ADAMTS12: variants seen among roughly 807,000 people sequenced by gnomAD.
The protein encoded by ADAMTS12 is A disintegrin and metalloproteinase with thrombospondin motifs 12.
Under a neutral mutation model 167.8 loss-of-function variants are expected in ADAMTS12, and 118 were observed. That is an observed-to-expected ratio of 0.70 (90% CI 0.61 to 0.82). The LOEUF (loss-of-function observed/expected upper bound fraction) is 0.82. Ranked by LOEUF, ADAMTS12 falls within the 40% of genes least tolerant of loss-of-function variation. The pLI is 0.00. For synonymous variants in ADAMTS12, 704 were observed against 716.9 expected, an observed-to-expected ratio of 0.98 and a Z score of 0.29; for missense variants, 1,916 against 1,998.8, an observed-to-expected ratio of 0.96 and a Z score of 0.79.
intron 6 of ADAMTS12, among the ~76,000 whole-genome samples, chr5:33,659,611 A>C (rs1486806138): frequency 6.6e-6 from 1 of 152,154 alleles, no homozygotes; most frequent in Non-Finnish European, 1.5e-5. Context: ...TGGCTAACAA[A>C]AGAATTATAG....
intron 22 of ADAMTS12, among the ~76,000 whole-genome samples, chr5:33,541,585 A>G (rs1247447539): frequency 1.3e-5 from 2 of 152,214 alleles, no homozygotes; most frequent in Non-Finnish European, 2.9e-5. Context: ...AGCCAGAGAG[A>G]AAGGTCGGGT....
intron 16 of ADAMTS12, among the ~76,000 whole-genome samples, chr5:33,601,286 A>G (rs535195263): frequency 2.0e-5 from 3 of 152,232 alleles, no homozygotes; most frequent in East Asian, 1.9e-4. Flanking sequence ...CAGGATGGCA[A>G]AAGATTATAG....
intron 2 of ADAMTS12, among the ~76,000 whole-genome samples, chr5:33,856,610 C>CAA (rs113323469): frequency 1.5e-5 from 2 of 133,522 alleles, no homozygotes; most frequent in African/African-American, 5.4e-5. Context: ...AAGGATTTCT[C>CAA]AAAAAAAAAA....
At chr5:33,844,466 T>C (rs1199992177) in intron 2 of ADAMTS12, among the ~76,000 whole-genome samples, 1 of 152,128 alleles carries the variant, frequency 6.6e-6, no homozygotes, top group East Asian at 1.9e-4. Flanking sequence ...TCTTCTATGG[T>C]GGAAACTGTA....
intron 15 of ADAMTS12, among the ~76,000 whole-genome samples, chr5:33,614,843 G>A (rs114383569): frequency 2.9e-3 from 446 of 152,324 alleles, no homozygotes; most frequent in African/African-American, 0.01. Context: ...ATTGTTGTGA[G>A]GGTTAAATGA....
At chr5:33,678,248 T>C (rs4340924) in intron 5 of ADAMTS12, among the ~76,000 whole-genome samples, 98,821 of 152,098 alleles carry the variant, frequency 0.65, 32,622 homozygotes, top group African/African-American at 0.76. Flanking sequence ...CACAGCAACT[T>C]GGCTGCCATT....
At chr5:33,621,400 A>G (rs961489994) in intron 14 of ADAMTS12, among the ~76,000 whole-genome samples, 1 of 59,618 alleles carries the variant, frequency 1.7e-5, no homozygotes, top group African/African-American at 7.2e-5. Flanking sequence ...ACTCCATCTC[A>G]AAAAAAAAAA....
chr5:33,733,010 G>C (rs925134889), intron 3 of ADAMTS12, among the ~76,000 whole-genome samples: 7 of 150,886 alleles, frequency 4.6e-5, no homozygotes, highest in African/African-American at 1.7e-4. Flanking sequence ...CCCAATTGTG[G>C]GTTTTATTAT....
Position 33,658,334 on chromosome 5 carries a change from C to G in ADAMTS12, c.1041-1G>C. ...ATTGAAACCAGCACAGATGTCCTTT[C>G]TGAAAGCAGAGAATACAGAAGCTAA... On this transcript the variant is annotated splice_acceptor_variant, in intron 6 of 23. Transcript: ENST00000504830. LOFTEE classifies it high-confidence loss of function. The G allele has an allele frequency of 6.2e-7, 1 of 1,613,144 alleles. No homozygotes were observed. Among genetic ancestry groups the G allele is most frequent in the Non-Finnish European group, 8.5e-7 (1 of 1,179,364 alleles).
At chr5:33,808,913 G>A (rs771664819) in intron 2 of ADAMTS12, among the ~76,000 whole-genome samples, 10 of 152,188 alleles carry the variant, frequency 6.6e-5, no homozygotes, top group Non-Finnish European at 1.5e-4. Flanking sequence ...TTTCCTGTGT[G>A]TTTTGGTTTC....
In ADAMTS12 at chr5:33,622,041, G is replaced by A. The variant is rs536452561; in HGVS notation, c.2143+2190C>T. On this transcript the variant is annotated intron_variant, in intron 14 of 23. Coordinates refer to ENST00000504830, the MANE Select transcript of ADAMTS12 (RefSeq NM_030955.4). ...AAAGGAATTGTAGGAAGGGGACATG[G>A]GAGAAAGAGAATGGAAAACACAAAG... 4.1e-4 allele frequency among the ~76,000 whole-genome samples: 63 copies of A among 152,286 alleles called. 1 individual carries two copies. The highest frequency in any genetic ancestry group is 3.4e-3 in the Middle Eastern group (1 of 294).
At chr5:33,598,577 G>A (rs1207328576) in intron 16 of ADAMTS12, among the ~76,000 whole-genome samples, 1 of 152,128 alleles carries the variant, frequency 6.6e-6, no homozygotes, top group African/African-American at 2.4e-5. Flanking sequence ...TTTTAAAAGT[G>A]ATGCTCCATA....
rs1000755257 is a variant in ADAMTS12, at chr5:33,684,810, A to G, written c.635-755T>C. The stretch of plus-strand genomic sequence containing the variant: ...GACGAAATCTAGGAGAGGCTATAGA[A>G]TGATAAAGAAAGTCAGACAGTAGCT... On this transcript the variant is annotated intron_variant, in intron 3 of 23. Coordinates refer to ENST00000504830, the MANE Select transcript of ADAMTS12 (RefSeq NM_030955.4). Among the ~76,000 whole-genome samples, 6 of 152,354 alleles carry G rather than the reference A, an allele frequency of 3.9e-5. No homozygotes were observed. The East Asian group carries it at 1.2e-3, about 29-fold the overall frequency.
chr5:33,755,163 A>C (rs905562192), intron 2 of ADAMTS12, among the ~76,000 whole-genome samples: 1 of 152,220 alleles, frequency 6.6e-6, no homozygotes, highest in Non-Finnish European at 1.5e-5. Context: ...TCTTTGGAGG[A>C]AAAAATATTT....
intron 5 of ADAMTS12, among the ~76,000 whole-genome samples, chr5:33,678,010 T>C (rs1741981603): frequency 6.6e-6 from 1 of 151,908 alleles, no homozygotes; most frequent in South Asian, 2.1e-4. Flanking sequence ...CGCAGAAAAA[T>C]AAAGCCCCAA....
intron 3 of ADAMTS12, among the ~76,000 whole-genome samples, chr5:33,711,664 G>A (rs571737916): frequency 7.2e-5 from 11 of 152,246 alleles, no homozygotes; most frequent in African/African-American, 2.6e-4. Flanking sequence ...TAATAAATGA[G>A]TATGATCATT....
intron 2 of ADAMTS12, among the ~76,000 whole-genome samples, chr5:33,846,517 C>T (rs781671912): frequency 6.6e-6 from 1 of 152,196 alleles, no homozygotes; most frequent in African/African-American, 2.4e-5. Flanking sequence ...TCTAGGAAGA[C>T]GGCCTTGATT....
At chr5:33,596,679 C>T (rs1452716326) in intron 16 of ADAMTS12, among the ~76,000 whole-genome samples, 1 of 152,170 alleles carries the variant, frequency 6.6e-6, no homozygotes, top group Non-Finnish European at 1.5e-5. Context: ...GAGACTCTGT[C>T]TCCAAAATAC....
chr5:33,826,320 G>A (rs1748067804), intron 2 of ADAMTS12, among the ~76,000 whole-genome samples: 1 of 151,838 alleles, frequency 6.6e-6, no homozygotes, highest in African/African-American at 2.4e-5. Flanking sequence ...TGCTCAGTGA[G>A]GGCAAATGAT....
Sources: allele counts gnomAD v4.1 joint callset (sites outside exome capture counted in the v4.1 genomes callset), GRCh38; gene constraint gnomAD v4.1.1; transcripts MANE v1.5; gene names NCBI Gene and HGNC (gene_info 2026-07-23, HGNC 2026-07-21).